THBS4: variants seen among roughly 807,000 people sequenced by gnomAD.
THBS4 encodes the protein thrombospondin-4.
Under a neutral mutation model 115.7 loss-of-function variants are expected in THBS4, and 90 were observed. The observed-to-expected ratio is 0.78, with a 90% CI of 0.66 to 0.93. The LOEUF is 0.93. Among genes scored for constraint, THBS4 ranks in the 40% least tolerant of loss-of-function variants. THBS4 has a pLI of 0.00. For synonymous variants in THBS4, 460 were observed against 479.3 expected (o/e 0.96, Z 0.53); for missense variants, 1,087 against 1,232.7 (o/e 0.88, Z 1.77).
At position 80,076,590 on chromosome 5, in the gene THBS4, G is replaced by T. The variant is rs189092812; in HGVS notation, c.1893-265G>T. Reference sequence around the variant, plus strand: ...AGCAGTTCCCAGGGACTGACTGATAGGAGCATCTGGTCATAAATCATAGAA... The same window carrying T: ...AGCAGTTCCCAGGGACTGACTGATATGAGCATCTGGTCATAAATCATAGAA... On this transcript the variant is annotated intron_variant, in intron 15 of 21. Transcript: ENST00000350881. Among the ~76,000 whole-genome samples the T allele has an allele frequency of 2.6e-5, 4 of 152,272 alleles. No individual in the cohort carries two copies. In the South Asian group the frequency reaches 8.3e-4, roughly 32 times the overall value.
chr5:80,045,640 C>G (rs149731492), intron 2 of THBS4, among the ~76,000 whole-genome samples: 1,910 of 150,966 alleles, frequency 0.013, 20 homozygotes, highest in Middle Eastern at 0.061. Flanking sequence ...AAGTGATTCT[C>G]CTGCCTCAGC....
intron 2 of THBS4, among the ~76,000 whole-genome samples, chr5:80,014,997 G>T (rs1832218842): frequency 6.6e-6 from 1 of 152,196 alleles, no homozygotes; most frequent in African/African-American, 2.4e-5. Context: ...CCAAAGTCTT[G>T]CTAACACTCC....
At chr5:80,044,216 T>A (rs1580939688) in intron 2 of THBS4, among the ~76,000 whole-genome samples, 2 of 152,134 alleles carry the variant, frequency 1.3e-5, no homozygotes, top group East Asian at 3.9e-4. Context: ...GGTTGGGAGC[T>A]CTCTTGAGAC....
At chr5:80,065,952 G>A (rs977795860) in intron 9 of THBS4, among the ~76,000 whole-genome samples, 2 of 151,838 alleles carry the variant, frequency 1.3e-5, no homozygotes, top group Non-Finnish European at 2.9e-5. Context: ...AAAATTAGCC[G>A]GGCCTGGTGG....
rs1229218810 is a variant in THBS4, at chr5:80,035,491, C to G, written c.-47C>G. The stretch of plus-strand genomic sequence containing the variant: ...CGGCCCGGGGACCCCCAGGCGGGGC[C>G]AACGCCGCCGTCGCCCCCGGCCTCG... On this transcript the variant is annotated 5_prime_UTR_variant, in exon 1 of 22. Coordinates refer to ENST00000350881, the MANE Select transcript of THBS4 (RefSeq NM_003248.6). This position sits in a 1 kb window ranked among gnomAD's most constrained non-coding sequence, Gnocchi z 4.6. 14 of 1,273,552 alleles carry G rather than the reference C, an allele frequency of 1.1e-5. No individual in the cohort carries two copies. The highest frequency in any genetic ancestry group is 1.3e-5 in the Non-Finnish European group (13 of 1,005,956). 78.9% of individuals were successfully genotyped at this position (1,273,552 alleles called of 1,614,324 possible). A position where few individuals can be genotyped will look rare whatever the true frequency, so the allele number is the denominator to read the frequency against.
At chr5:80,034,037 C>T (rs1360250936), upstream of THBS4, among the ~76,000 whole-genome samples, 1 of 152,170 alleles carries the variant, frequency 6.6e-6, no homozygotes, top group Non-Finnish European at 1.5e-5. Flanking sequence ...TCCTCTCAAA[C>T]CCAGGCCACT....
chr5:79,993,235 G>C (rs1049784110), intron 1 of THBS4, among the ~76,000 whole-genome samples: 2 of 152,188 alleles, frequency 1.3e-5, no homozygotes, highest in African/African-American at 4.8e-5. Context: ...CATTGCATCT[G>C]ATGAAAGAAT....
intron 1 of THBS4, among the ~76,000 whole-genome samples, chr5:79,996,882 G>A (rs1258175113): frequency 2.6e-5 from 4 of 151,978 alleles, no homozygotes; most frequent in Admixed American, 2.0e-4. Context: ...GGAAATAACG[G>A]AAGCCTTATT....
chr5:80,030,504 AT>A (rs1832564414), upstream of THBS4, among the ~76,000 whole-genome samples: 1 of 152,054 alleles, frequency 6.6e-6, no homozygotes, highest in Admixed American at 6.6e-5. Context: ...AGTAGCTAGG[AT>A]TACAGGTGCC....
intron 2 of THBS4, among the ~76,000 whole-genome samples, chr5:80,053,459 A>G (rs985701322): frequency 3.4e-5 from 5 of 146,662 alleles, no homozygotes; most frequent in African/African-American, 1.3e-4. Context: ...TCTTTTCTTT[A>G]ATTTCCTCAG....
At chr5:80,080,583 T>TTTTTTTTTTTTTTTTG (rs1743450193) in intron 20 of THBS4, among the ~76,000 whole-genome samples, 1 of 124,446 alleles carries the variant, frequency 8.0e-6, no homozygotes, top group African/African-American at 3.0e-5. Context: ...TTGTATCTTT[T>TTTTTTTTTTTTTTTTG]TTTTTTTTTT....
chr5:80,059,028 T>C (rs1301124758), intron 5 of THBS4, among the ~76,000 whole-genome samples: 1 of 152,160 alleles, frequency 6.6e-6, no homozygotes, highest in Non-Finnish European at 1.5e-5. Context: ...CTGCTAACGC[T>C]ACTGTAAGAA....
At chr5:80,081,149 A>G (rs1483667365) in intron 20 of THBS4, among the ~76,000 whole-genome samples, 2 of 152,184 alleles carry the variant, frequency 1.3e-5, no homozygotes, top group Non-Finnish European at 2.9e-5. Context: ...AGGAGTACTG[A>G]GTGCATTCTC....
chr5:80,031,875 TTAATGGATTAC>T (rs1832593298), upstream of THBS4, among the ~76,000 whole-genome samples: 4 of 152,190 alleles, frequency 2.6e-5, no homozygotes, highest in Admixed American at 1.3e-4. Context: ...ACTGCACCTA[TTAATGGATTAC>T]TAATATGTCA....
intron 2 of THBS4, among the ~76,000 whole-genome samples, chr5:80,046,629 C>A (rs1254230347): frequency 9.2e-5 from 14 of 151,602 alleles, no homozygotes; most frequent in African/African-American, 3.2e-4. Flanking sequence ...AGTTTCAAAG[C>A]TGATAGATTA....
intron 2 of THBS4, among the ~76,000 whole-genome samples, chr5:80,021,283 A>G (rs1274361808): frequency 6.6e-6 from 1 of 152,184 alleles, no homozygotes; most frequent in African/African-American, 2.4e-5. Context: ...CAGTGCATCA[A>G]ATGAAGAAGC....
intron 2 of THBS4, among the ~76,000 whole-genome samples, chr5:80,054,299 A>G (rs1833351777): frequency 1.4e-5 from 2 of 145,382 alleles, no homozygotes; most frequent in Admixed American, 1.4e-4. Context: ...GACTACAAGT[A>G]TGTGCCACCA....
rs1833494806 is a variant in THBS4 at position 80,058,221 on chromosome 5, C to A, written c.556C>A (p.Leu186Met). Residue 186 changes from leucine (L) to methionine (M), a missense_variant, in exon 4 of 22, where the codon CTG (leucine) becomes ATG (methionine). This residue lies in a region of THBS4 where 979 missense variants were observed against 1,103.7 expected (regional missense o/e 0.89). Transcript: ENST00000350881. The part of the protein sequence containing the change: ...QRKPQDFLEE[L>M]KLVVRGSLFQ... ...TTTCTTCCAGGACTTCTTGGAAGAG[C>A]TGAAGCTGGTGGTGAGAGGCTCACT... 6.3e-7 allele frequency: 1 copy of A among 1,575,142 alleles called. No individual in the cohort carries two copies. Among genetic ancestry groups the A allele is most frequent in the East Asian group, 2.3e-5 (1 of 43,274 alleles).
chr5:80,020,754 C>T (rs377494609), intron 2 of THBS4, among the ~76,000 whole-genome samples: 10 of 152,240 alleles, frequency 6.6e-5, no homozygotes, highest in African/African-American at 2.2e-4. Context: ...ATCTCGGGCA[C>T]GTTGCCTGTC....
Sources: allele counts gnomAD v4.1 joint callset (sites outside exome capture counted in the v4.1 genomes callset), GRCh38; gene constraint gnomAD v4.1.1; regional missense constraint gnomAD v4.1.1; non-coding constraint Gnocchi (gnomAD v3.1); transcripts MANE v1.5; gene names NCBI Gene and HGNC (gene_info 2026-07-23, HGNC 2026-07-21).